The following EZH2 variants were observed in gnomAD, a reference collection of about 807,000 sequenced individuals.
The protein encoded by EZH2 is histone-lysine N-methyltransferase EZH2.
In EZH2, 18 loss-of-function variants were observed where a neutral mutation model predicts 98.4. That is an observed-to-expected ratio of 0.18 (90% confidence interval 0.13 to 0.27). EZH2 has a LOEUF of 0.27. Ranked by LOEUF, EZH2 falls within the 10% of genes least tolerant of loss-of-function variation. The pLI is 1.00. For missense variants in EZH2, 470 were observed against 935.1 expected, an observed-to-expected ratio of 0.50 and a Z score of 6.49; for synonymous variants, 338 against 312.3, an observed-to-expected ratio of 1.08 and a Z score of -0.87.
intron 1 of EZH2, among the ~76,000 whole-genome samples, chr7:148,864,093 T>C (rs1193469435): frequency 6.6e-6 from 1 of 152,232 alleles, no homozygotes; most frequent in Non-Finnish European, 1.5e-5. Context: ...TTAGCAATCT[T>C]AGCTGAATGA....
chr7:148,843,966 T>C (rs1813261984), intron 3 of EZH2, among the ~76,000 whole-genome samples: 1 of 152,166 alleles, frequency 6.6e-6, no homozygotes, highest in South Asian at 2.1e-4. Flanking sequence ...CTGCAGAGGA[T>C]TTAAATTGAA....
intron 1 of EZH2, among the ~76,000 whole-genome samples, chr7:148,867,783 T>C (rs1818752832): frequency 6.6e-6 from 1 of 152,262 alleles, no homozygotes; most frequent in Non-Finnish European, 1.5e-5. Flanking sequence ...TATTTGCTTA[T>C]GCAAATGAGC....
At chr7:148,809,013 G>A (rs1190150505) in intron 19 of EZH2, 58 bp downstream of exon 19, 1 of 1,420,126 alleles carries the variant, frequency 7.0e-7, no homozygotes, top group Non-Finnish European at 9.9e-7. Flanking sequence ...TTTGTCCAGA[G>A]TTCACAATCC....
At chr7:148,871,452 G>A (rs1411288620) in intron 1 of EZH2, among the ~76,000 whole-genome samples, 2 of 145,482 alleles carry the variant, frequency 1.4e-5, no homozygotes, top group Non-Finnish European at 3.0e-5. Context: ...ACTGGTTCCA[G>A]GACCACCTGT....
At chr7:148,836,941 G>T (rs1190643983) in intron 3 of EZH2, 5 of 510,964 alleles carry the variant, frequency 9.8e-6, no homozygotes, top group Non-Finnish European at 1.9e-5. Flanking sequence ...TTGGCAGAAG[G>T]CTGGTTCCAA....
At chr7:148,881,108 T>C (rs2129495553) in intron 1 of EZH2, among the ~76,000 whole-genome samples, 1 of 152,324 alleles carries the variant, frequency 6.6e-6, no homozygotes, top group East Asian at 1.9e-4. Context: ...CTATCATGAT[T>C]TACAGAAAAT....
At chr7:148,812,291 T>C (rs553335825) in intron 15 of EZH2, among the ~76,000 whole-genome samples, 1 of 152,328 alleles carries the variant, frequency 6.6e-6, no homozygotes, top group South Asian at 2.1e-4. Flanking sequence ...CGGGAGGTGT[T>C]ATCATGATCT....
At chr7:148,812,197 C>T (rs1427527162) in intron 15 of EZH2, among the ~76,000 whole-genome samples, 3 of 152,274 alleles carry the variant, frequency 2.0e-5, no homozygotes, top group East Asian at 1.9e-4. Context: ...TCTTCACTGG[C>T]GTTGGTTCCC....
chr7:148,833,418 C>A (rs1409281302), intron 3 of EZH2, among the ~76,000 whole-genome samples: 2 of 150,930 alleles, frequency 1.3e-5, no homozygotes. Context: ...GATCGCGCCA[C>A]TGCACTCCAG....
intron 1 of EZH2, among the ~76,000 whole-genome samples, chr7:148,862,219 A>G (rs951421018): frequency 6.6e-6 from 1 of 151,476 alleles, no homozygotes; most frequent in Non-Finnish European, 1.5e-5. Flanking sequence ...CCACATTAAC[A>G]TTCATTAGTC....
At position 148,839,967 on chromosome 7, in the gene EZH2, T is replaced by A. The variant is rs1370314803; in HGVS notation, c.246+6503A>T. On this transcript the variant is annotated intron_variant, in intron 3 of 19. Transcript: ENST00000320356. ...AAATATAAACAAACAGTAACTGACA[T>A]TTAACTTCACTGAATAATTAAGACA... Among the ~76,000 whole-genome samples, 3 of 152,354 alleles carry A rather than the reference T, an allele frequency of 2.0e-5. No individual in the cohort carries two copies. In the East Asian group the frequency reaches 5.8e-4, roughly 29 times the overall value.
chr7:148,868,025 T>C (rs1818796191), intron 1 of EZH2, among the ~76,000 whole-genome samples: 1 of 152,202 alleles, frequency 6.6e-6, no homozygotes, highest in Non-Finnish European at 1.5e-5. Context: ...TCTCTGTCCA[T>C]ATCACTATCA....
intron 1 of EZH2, among the ~76,000 whole-genome samples, chr7:148,871,403 TAAAAAAAAA>T (rs71529646): frequency 1.1e-5 from 1 of 88,754 alleles, no homozygotes; most frequent in African/African-American, 4.3e-5. Context: ...GACGAATAAT[TAAAAAAAAA>T]AAAAAAAAAA....
intron 8 of EZH2, among the ~76,000 whole-genome samples, chr7:148,823,277 T>G (rs1017314041): frequency 1.3e-5 from 2 of 152,104 alleles, no homozygotes; most frequent in African/African-American, 4.8e-5. Context: ...TTGCATGAAA[T>G]GGGTACAGAT....
chr7:148,837,439 G>A (rs904568911), intron 3 of EZH2, among the ~76,000 whole-genome samples: 28 of 152,150 alleles, frequency 1.8e-4, no homozygotes, highest in African/African-American at 6.3e-4. Flanking sequence ...AGCTGGGGGT[G>A]ATTTCTGAAA....
At chr7:148,830,479 G>A (rs1232121400) in intron 4 of EZH2, among the ~76,000 whole-genome samples, 1 of 151,920 alleles carries the variant, frequency 6.6e-6, no homozygotes, top group Non-Finnish European at 1.5e-5. Flanking sequence ...CCATTAACTT[G>A]TAATAGTTTA....
intron 15 of EZH2, among the ~76,000 whole-genome samples, chr7:148,813,597 T>C (rs1803772033): frequency 6.6e-6 from 1 of 151,818 alleles, no homozygotes; most frequent in African/African-American, 2.4e-5. Flanking sequence ...TATATTTTGA[T>C]AGAAATCACC....
chr7:148,830,015 C>T (rs1416456483), intron 4 of EZH2, among the ~76,000 whole-genome samples, 167 bp from the exon 5 acceptor site: 1 of 152,046 alleles, frequency 6.6e-6, no homozygotes, highest in Admixed American at 6.5e-5. Context: ...TAAAAGACCC[C>T]TCTCACCAAT....
At chr7:148,833,989 G>A (rs1201273106) in intron 3 of EZH2, among the ~76,000 whole-genome samples, 1 of 152,064 alleles carries the variant, frequency 6.6e-6, no homozygotes, top group Non-Finnish European at 1.5e-5. Context: ...TGATGACAGC[G>A]ATTTCAAGGT....
Sources: gnomAD v4.1 joint callset for allele counts (sites outside exome capture counted in the v4.1 genomes callset) on GRCh38, gnomAD v4.1.1 for gene constraint, MANE v1.5 for transcripts, NCBI Gene and HGNC (gene_info 2026-07-23, HGNC 2026-07-21) for gene names.